The following SLC26A11 variants were observed in gnomAD, a reference collection of about 807,000 sequenced individuals.
SLC26A11 encodes the protein sodium-independent sulfate anion transporter.
In SLC26A11, 58 loss-of-function variants were observed where a neutral mutation model predicts 62.2. The observed-to-expected ratio is 0.93, with a 90% CI of 0.76 to 1.16. The LOEUF is 1.16. SLC26A11 is among the 50% of genes most tolerant of loss of function. SLC26A11 has a pLI of 0.00. For synonymous variants in SLC26A11, 411 were observed against 368.9 expected, an observed-to-expected ratio of 1.11 and a Z score of -1.31; for missense variants, 790 against 794.3, an observed-to-expected ratio of 0.99 and a Z score of 0.06.
intron 9 of SLC26A11, among the ~76,000 whole-genome samples, chr17:80,239,077 ATT>A (rs111257231): frequency 0.012 from 1,413 of 122,250 alleles, 20 homozygotes; most frequent in African/African-American, 0.038. Context: ...CCTCCCAGTA[ATT>A]TTTTTTTTTT....
intron 5 of SLC26A11, among the ~76,000 whole-genome samples, chr17:80,224,108 T>A (rs2042298420): frequency 6.6e-6 from 1 of 152,196 alleles, no homozygotes; most frequent in Non-Finnish European, 1.5e-5. Context: ...CAGGCCCTGT[T>A]CCAGGCTGGC....
At chr17:80,245,340 C>A in intron 11 of SLC26A11, 84 bp downstream of exon 11, 2 of 1,376,806 alleles carry the variant, frequency 1.5e-6, no homozygotes, top group Non-Finnish European at 2.1e-6. Context: ...CCTGCCCTGA[C>A]CCCGGCGCCC....
At chr17:80,245,514 G>A (rs1162528934) in intron 11 of SLC26A11, 4 of 483,036 alleles carry the variant, frequency 8.3e-6, no homozygotes, top group African/African-American at 5.8e-5. Flanking sequence ...TTACTCTGGA[G>A]GCGGAAGCAG....
At chr17:80,226,661 A>C (rs865918646) in intron 6 of SLC26A11, among the ~76,000 whole-genome samples, 1 of 152,188 alleles carries the variant, frequency 6.6e-6, no homozygotes, top group Non-Finnish European at 1.5e-5. Context: ...AGATCACGCC[A>C]CTGCACTCCA....
At chr17:80,225,593 A>G (rs2144882258) in intron 5 of SLC26A11, 6 of 476,248 alleles carry the variant, frequency 1.3e-5, no homozygotes, top group South Asian at 8.7e-5. Context: ...AGAGAAAAAC[A>G]TATCACTGAC....
intron 8 of SLC26A11, 120 bp downstream of exon 8, chr17:80,237,223 C>A: frequency 8.3e-7 from 1 of 1,204,702 alleles, no homozygotes; most frequent in Non-Finnish European, 1.1e-6. Context: ...ACAGCTGAGT[C>A]CTCAGGAACG....
At chr17:80,225,410 A>G (rs1183107556) in intron 5 of SLC26A11, among the ~76,000 whole-genome samples, 2 of 152,068 alleles carry the variant, frequency 1.3e-5, no homozygotes, top group Non-Finnish European at 2.9e-5. Context: ...AGTGAGGGAG[A>G]CATTCTCAAG....
At chr17:80,231,158 T>TC (rs1491470075) in intron 7 of SLC26A11, among the ~76,000 whole-genome samples, 2 of 54,738 alleles carry the variant, frequency 3.7e-5, no homozygotes, top group African/African-American at 5.7e-5. Context: ...TTTTTTTTTT[T>TC]CAAAAAAAAT....
At chr17:80,249,003 C>T in intron 15 of SLC26A11, 151 bp from the exon 16 acceptor site, 1 of 950,438 alleles carries the variant, frequency 1.1e-6, no homozygotes, top group Non-Finnish European at 1.5e-6. Flanking sequence ...GTCCTGCCAC[C>T]CGAATCCCCC....
In SLC26A11 at chr17:80,223,359, G is replaced by C; in HGVS notation, c.513+22G>C. Reference sequence around the variant, plus strand: ...CAAGGTAGGCACGGCGCCCACCCAGGGCACTGCTCTTTGGCCACTGCTCGT... The same window carrying C: ...CAAGGTAGGCACGGCGCCCACCCAGCGCACTGCTCTTTGGCCACTGCTCGT... On this transcript the variant is annotated intron_variant, in intron 5 of 17. Coordinates refer to ENST00000361193, the MANE Select transcript of SLC26A11 (RefSeq NM_001166347.2). This position sits in a 1 kb window ranked among gnomAD's most constrained non-coding sequence, Gnocchi z 4.6. 6.2e-7 allele frequency: 1 copy of C among 1,611,982 alleles called. No individual in the cohort carries two copies. Among genetic ancestry groups the C allele is most frequent in the Non-Finnish European group, 8.5e-7 (1 of 1,178,670 alleles).
chr17:80,220,903 G>C lies in SLC26A11; in HGVS notation c.-213-13G>C, dbSNP rs1223053621. ...GCACCTGAATTAACCGGGCGCCTCT[G>C]ATGTCCTCCCAGAAGCAACTAGAAC... On this transcript the variant is annotated splice_polypyrimidine_tract_variant and intron_variant, in intron 1 of 17. Transcript: ENST00000361193. 2.6e-5 allele frequency: 4 copies of C among 152,858 alleles called. No homozygotes were observed. Among genetic ancestry groups the C allele is most frequent in the African/African-American group, 9.6e-5 (4 of 41,596 alleles). The allele number at this position is 152,858 out of a possible 1,614,324, so 9.5% of individuals were successfully genotyped here. A position where few individuals can be genotyped will look rare whatever the true frequency, so the allele number is the denominator to read the frequency against.
chr17:80,248,181 T>G lies in SLC26A11; in HGVS notation c.1346T>G (p.Val449Gly). The G allele has an allele frequency of 6.2e-7, 1 of 1,608,244 alleles. No homozygotes were observed. Among genetic ancestry groups the G allele is most frequent in the Non-Finnish European group, 8.5e-7 (1 of 1,179,818 alleles). The change falls in exon 14 of 18, where the codon GTG (valine) becomes GGG (glycine). Residue 449 changes from valine (V) to glycine (G), a missense_variant. Coordinates refer to ENST00000361193, the MANE Select transcript of SLC26A11 (RefSeq NM_001166347.2). The part of the protein sequence containing the change: ...CVTFLLCFWE[V>G]QYGILAGALV... ...ACCTTCCTGCTGTGCTTCTGGGAGG[T>G]GCAGTACGGCATCCTGGCCGGGGCC...
At chr17:80,244,581 C>T (rs1005096481) in intron 10 of SLC26A11, among the ~76,000 whole-genome samples, 1 of 152,194 alleles carries the variant, frequency 6.6e-6, no homozygotes, top group African/African-American at 2.4e-5. Flanking sequence ...GTGGCTCACT[C>T]CTGTGATCCC....
At chr17:80,231,585 A>C (rs1162321192) in intron 7 of SLC26A11, among the ~76,000 whole-genome samples, 1 of 152,154 alleles carries the variant, frequency 6.6e-6, no homozygotes, top group East Asian at 1.9e-4. Context: ...TGCATCCCAC[A>C]GTTTTTATAT....
rs1481491825 is a variant in SLC26A11 at position 80,222,492 on chromosome 17, GCCT to G, written c.235-159_235-157del. The G allele has an allele frequency of 9.1e-6, 6 of 661,370 alleles. No individual in the cohort carries two copies. Among genetic ancestry groups the G allele is most frequent in the South Asian group, 6.0e-5 (3 of 50,130 alleles). The allele number at this position is 661,370 out of a possible 1,614,324, so 41.0% of individuals were successfully genotyped here. A position where few individuals can be genotyped will look rare whatever the true frequency, so the allele number is the denominator to read the frequency against. On this transcript the variant is annotated intron_variant, in intron 3 of 17. Transcript: ENST00000361193. The surrounding 1 kb of genome is among the most constrained non-coding windows in gnomAD (Gnocchi z 4.7). ...CCAGTTGAGTGCTGCTAAAAAAGTG[GCCT>G]CCTGATCACTGCAGGTCCACCCACA... is the stretch of plus-strand genomic sequence containing the variant.
rs547203115 is a variant in SLC26A11 at position 80,246,770 on chromosome 17, C to T, written c.1294+121C>T. ...TGGGGCTGGGACTGGGAAGTTAGGGCAGTCCCGGAACAGAGAAGTGGATGG... is the reference window on the plus strand; with the variant it reads ...TGGGGCTGGGACTGGGAAGTTAGGGTAGTCCCGGAACAGAGAAGTGGATGG... On this transcript the variant is annotated intron_variant, in intron 13 of 17. Transcript: ENST00000361193. This position sits in a 1 kb window ranked among gnomAD's most constrained non-coding sequence, Gnocchi z 4.4. 1.0e-5 allele frequency: 14 copies of T among 1,333,534 alleles called. No individual in the cohort carries two copies. The highest frequency in any genetic ancestry group is 1.1e-5 in the Non-Finnish European group (11 of 979,466). The allele number at this position is 1,333,534 out of a possible 1,614,324, so 82.6% of individuals were successfully genotyped here. A position where few individuals can be genotyped will look rare whatever the true frequency, so the allele number is the denominator to read the frequency against.
At position 80,246,409 on chromosome 17, in the gene SLC26A11, A is replaced by T; in HGVS notation, c.1154-100A>T. The T allele has an allele frequency of 6.5e-7, 1 of 1,530,510 alleles. No individual in the cohort carries two copies. The highest frequency in any genetic ancestry group is 8.8e-7 in the Non-Finnish European group (1 of 1,134,832). 94.8% of individuals were successfully genotyped at this position (1,530,510 alleles called of 1,614,324 possible). ...CCTTGGCAGTCGTCGCCCTACCCCC[A>T]CCCCTGTCCCCAGTGGGCTCTGCTG... On this transcript the variant is annotated intron_variant, in intron 12 of 17. Transcript: ENST00000361193. This position sits in a 1 kb window ranked among gnomAD's most constrained non-coding sequence, Gnocchi z 4.4.
chr17:80,247,991 C>T (rs2043052743), intron 13 of SLC26A11, 139 bp from the exon 14 acceptor site: 1 of 1,061,206 alleles, frequency 9.4e-7, no homozygotes, highest in African/African-American at 1.6e-5. Context: ...CTGCTGTCCC[C>T]AAGTCCTCAG....
intron 11 of SLC26A11, 113 bp downstream of exon 11, chr17:80,245,369 C>A: frequency 9.6e-7 from 1 of 1,036,480 alleles, no homozygotes; most frequent in Non-Finnish European, 1.5e-6. Flanking sequence ...ACTGTGAACG[C>A]TCCGTGGAGA....
Sources: gnomAD v4.1 joint callset for allele counts (sites outside exome capture counted in the v4.1 genomes callset) on GRCh38, gnomAD v4.1.1 for gene constraint, Gnocchi (gnomAD v3.1) non-coding constraint, MANE v1.5 for transcripts, NCBI Gene and HGNC (gene_info 2026-07-23, HGNC 2026-07-21) for gene names.